Variants in CREB1 observed in about 807,000 individuals in gnomAD.
The protein encoded by CREB1 is cyclic AMP-responsive element-binding protein 1.
CREB1 carries 2 observed loss-of-function variants against 42.0 expected under a neutral mutation model. That is an observed-to-expected ratio of 0.05 (90% CI 0.02 to 0.15). The LOEUF is 0.15. CREB1 is among the 10% of genes least tolerant of loss of function. The pLI, the probability that CREB1 is intolerant of heterozygous loss-of-function variation, is 1.00. For missense variants in CREB1, 199 were observed against 388.9 expected, an observed-to-expected ratio of 0.51 and a Z score of 4.11; for synonymous variants, 123 against 139.9, an observed-to-expected ratio of 0.88 and a Z score of 0.85.
At chr2:207,569,824 A>G (rs1473836154) in intron 4 of CREB1, among the ~76,000 whole-genome samples, 1 of 151,994 alleles carries the variant, frequency 6.6e-6, no homozygotes, top group Non-Finnish European at 1.5e-5. Context: ...CGGGTGGATC[A>G]CATGAGGTCA....
chr2:207,541,347 T>G (rs1019623535), intron 1 of CREB1, among the ~76,000 whole-genome samples: 28 of 152,234 alleles, frequency 1.8e-4, no homozygotes, highest in African/African-American at 6.5e-4. Context: ...CAAGCTCCGT[T>G]TGTGATAAGC....
intron 6 of CREB1, chr2:207,577,076 T>C: frequency 1.0e-6 from 1 of 964,018 alleles, no homozygotes; most frequent in Middle Eastern, 5.3e-4. Flanking sequence ...TGCTATTTTA[T>C]GAAAAATCAT....
intron 7 of CREB1, among the ~76,000 whole-genome samples, chr2:207,585,472 A>G (rs935236886): frequency 6.6e-6 from 1 of 152,240 alleles, no homozygotes; most frequent in African/African-American, 2.4e-5. Context: ...AAAATTGGAT[A>G]AAGCAGCAGT....
Position 207,599,949 on chromosome 2 carries a change from C to T in CREB1, c.*2891C>T, listed in dbSNP as rs1347618149. 1.0e-5 allele frequency: 2 copies of T among 192,882 alleles called. No homozygotes were observed. Among genetic ancestry groups the T allele is most frequent in the African/African-American group, 4.6e-5 (2 of 43,030 alleles). The allele number at this position is 192,882 out of a possible 1,614,324, so 11.9% of individuals were successfully genotyped here. On this transcript the variant is annotated 3_prime_UTR_variant, in exon 8 of 8. Transcript: ENST00000353267. ...ATTGCTCACTTTGCAAATATAGGGC[C>T]ATGTGGCACTTTTATCTATAGGACA...
chr2:207,569,254 G>A (rs922408459), intron 4 of CREB1, among the ~76,000 whole-genome samples: 3 of 152,048 alleles, frequency 2.0e-5, no homozygotes, highest in African/African-American at 7.2e-5. Context: ...AATCTTAAGC[G>A]AGTTTATTTT....
At chr2:207,537,873 A>G (rs2080939000) in intron 1 of CREB1, among the ~76,000 whole-genome samples, 1 of 152,116 alleles carries the variant, frequency 6.6e-6, no homozygotes, top group Admixed American at 6.5e-5. Flanking sequence ...TTTATCTGAA[A>G]TTCTTGGGAC....
Position 207,597,163 on chromosome 2 carries a change from A to G in CREB1, c.*105A>G, listed in dbSNP as rs2086315968. 4.6e-6 allele frequency: 6 copies of G among 1,305,034 alleles called. No individual in the cohort carries two copies. The highest frequency in any genetic ancestry group is 6.1e-6 in the Non-Finnish European group (6 of 978,390). The allele number at this position is 1,305,034 out of a possible 1,614,324, so 80.8% of individuals were successfully genotyped here. ...ATTTTCTAAACATTTCTTTTTTTCTATGCGCAAAACTGCCTGAAAGCAACT... is the reference window on the plus strand; with the variant it reads ...ATTTTCTAAACATTTCTTTTTTTCTGTGCGCAAAACTGCCTGAAAGCAACT... On this transcript the variant is annotated 3_prime_UTR_variant, in exon 8 of 8. Transcript: ENST00000353267.
intron 7 of CREB1, among the ~76,000 whole-genome samples, chr2:207,586,882 TAAC>T (rs1366939408): frequency 6.6e-6 from 1 of 152,178 alleles, no homozygotes; most frequent in African/African-American, 2.4e-5. Context: ...AGACAAGAAG[TAAC>T]AAACTGATGA....
intron 7 of CREB1, among the ~76,000 whole-genome samples, chr2:207,595,060 A>G (rs1444404038): frequency 1.4e-5 from 2 of 147,574 alleles, no homozygotes; most frequent in Non-Finnish European, 3.0e-5. Flanking sequence ...CCGTGGTGCA[A>G]TCTCGGCTTA....
chr2:207,554,531 C>T (rs921051993), intron 1 of CREB1, among the ~76,000 whole-genome samples: 1 of 152,150 alleles, frequency 6.6e-6, no homozygotes, highest in Non-Finnish European at 1.5e-5. Context: ...GAAACATTGC[C>T]TATTTTCCTG....
chr2:207,536,522 G>A (rs913278528), intron 1 of CREB1, among the ~76,000 whole-genome samples: 20 of 151,944 alleles, frequency 1.3e-4, no homozygotes, highest in African/African-American at 3.1e-4. Context: ...ACCATTGCAC[G>A]CCAGGCTGGG....
rs1168589046 is a variant in CREB1, at chr2:207,602,076, C to A, written c.*5018C>A. On this transcript the variant is annotated 3_prime_UTR_variant, in exon 8 of 8. Transcript: ENST00000353267. The stretch of plus-strand genomic sequence containing the variant: ...CAGGGTGCTGAAGTTCCATCTGTCT[C>A]ATCTGCTTATGATAAGTTCTTATTG... 1 of 205,518 alleles carries A rather than the reference C, an allele frequency of 4.9e-6. No homozygotes were observed. The highest frequency in any genetic ancestry group is 9.9e-6 in the Non-Finnish European group (1 of 100,690). The allele number at this position is 205,518 out of a possible 1,614,324, so 12.7% of individuals were successfully genotyped here.
At chr2:207,578,123 T>C (rs573675549) in intron 7 of CREB1, 3 of 154,856 alleles carry the variant, frequency 1.9e-5, no homozygotes, top group Admixed American at 6.4e-5. Flanking sequence ...ATAATAACAT[T>C]TTAACACCTA....
intron 4 of CREB1, 55 bp from the exon 5 acceptor site, chr2:207,570,124 T>G: frequency 7.4e-7 from 1 of 1,359,778 alleles, no homozygotes; most frequent in East Asian, 2.5e-5. Context: ...ATATTTGTAT[T>G]TAGCCAGTAA....
chr2:207,577,959 GTTTCT>G (rs1325546819), intron 7 of CREB1: 2 of 367,248 alleles, frequency 5.4e-6, no homozygotes, highest in African/African-American at 4.2e-5. Context: ...TTTAAAAATG[GTTTCT>G]TTTCATGTAT....
intron 3 of CREB1, among the ~76,000 whole-genome samples, 185 bp downstream of exon 3, chr2:207,560,557 A>G (rs578205415): frequency 2.0e-5 from 3 of 152,348 alleles, no homozygotes; most frequent in South Asian, 4.1e-4. Context: ...GAACAAACAT[A>G]AAAGAAAATG....
rs1450782173 is a variant in CREB1 at position 207,599,467 on chromosome 2, CTT to C, written c.*2410_*2411del. 5.1e-6 allele frequency: 1 copy of C among 196,704 alleles called. No individual in the cohort carries two copies. The highest frequency in any genetic ancestry group is 1.1e-5 in the Non-Finnish European group (1 of 95,038). The allele number at this position is 196,704 out of a possible 1,614,324, so 12.2% of individuals were successfully genotyped here. On this transcript the variant is annotated 3_prime_UTR_variant, in exon 8 of 8. Coordinates refer to ENST00000353267, the MANE Select transcript of CREB1 (RefSeq NM_004379.5). ...TACTTACTGGGAAGTTGGTGGTCCT[CTT>C]AGTCCCTGATAAATCAAGGCAATCA...
intron 2 of CREB1, among the ~76,000 whole-genome samples, chr2:207,559,610 A>G (rs1162807464): frequency 2.6e-5 from 4 of 152,206 alleles, no homozygotes; most frequent in East Asian, 3.8e-4. Flanking sequence ...TCTGATAGAC[A>G]TGTATGATTT....
intron 6 of CREB1, among the ~76,000 whole-genome samples, chr2:207,576,241 C>CTTTTTTTTTTTTTTTTTTTTTTTTT (rs35735523): frequency 9.9e-5 from 10 of 101,078 alleles, no homozygotes; most frequent in African/African-American, 1.9e-4. Context: ...CTTTTTTTGG[C>CTTTTTTTTTTTTTTTTTTTTTTTTT]TTTTTTTTTT....
Sources: allele counts gnomAD v4.1 joint callset (sites outside exome capture counted in the v4.1 genomes callset), GRCh38; gene constraint gnomAD v4.1.1; transcripts MANE v1.5; gene names NCBI Gene and HGNC (gene_info 2026-07-23, HGNC 2026-07-21).